PARN: variants seen among roughly 807,000 people sequenced by gnomAD.
The protein encoded by PARN is poly(A)-specific ribonuclease, also known as poly(A)-specific ribonuclease PARN.
PARN carries 71 observed loss-of-function variants against 102.8 expected under a neutral mutation model. The ratio of observed to expected loss-of-function variants is 0.69; its 90% CI spans 0.57 to 0.84. The LOEUF is 0.84. Ranked by LOEUF, PARN falls within the 40% of genes least tolerant of loss-of-function variation. The pLI is 0.00. For synonymous variants in PARN, 261 were observed against 252.9 expected (o/e 1.03, Z -0.30); for missense variants, 782 against 760.9 (o/e 1.03, Z -0.33).
chr16:14,447,608 ACTTGTT>A (rs1961260005), intron 22 of PARN, among the ~76,000 whole-genome samples: 1 of 152,218 alleles, frequency 6.6e-6, no homozygotes, highest in Non-Finnish European at 1.5e-5. Flanking sequence ...CAAAAAGATG[ACTTGTT>A]AAATGTATAA....
At chr16:14,462,344 T>C (rs1262862180) in intron 22 of PARN, among the ~76,000 whole-genome samples, 5 of 150,188 alleles carry the variant, frequency 3.3e-5, no homozygotes, top group South Asian at 2.1e-4. Flanking sequence ...TGAAAGACAA[T>C]AGAAGGGAAC....
Position 14,436,175 on chromosome 16 carries a change from T to G in PARN, c.*542A>C, listed in dbSNP as rs1361033414. ...GGGTGGGCATGAGTGGACATCTTCC[T>G]GAAGGAAGGACAAGCTTGAGAGCGT... On this transcript the variant is annotated 3_prime_UTR_variant, in exon 24 of 24. Transcript: ENST00000437198. The G allele has an allele frequency of 6.5e-6, 1 of 154,276 alleles. No individual in the cohort carries two copies. Among genetic ancestry groups the G allele is most frequent in the Admixed American group, 6.3e-5 (1 of 15,758 alleles). 9.6% of individuals were successfully genotyped at this position (154,276 alleles called of 1,614,324 possible).
rs369378666 is a variant in PARN at position 14,630,164 on chromosome 16, G to A, written c.-39C>T. The A allele has an allele frequency of 1.4e-4, 211 of 1,541,048 alleles. No individual in the cohort carries two copies. Among genetic ancestry groups the A allele is most frequent in the Non-Finnish European group, 1.7e-4 (198 of 1,138,614 alleles). ...CGGAACCTTGGCCCCACCCGGGCCC[G>A]CGCCCGCCTCAGCGGTTCTACTCGC... On this transcript the variant is annotated 5_prime_UTR_variant, in exon 1 of 24. Coordinates refer to ENST00000437198, the MANE Select transcript of PARN (RefSeq NM_002582.4).
chr16:14,441,897 G>A (rs1167556024), intron 23 of PARN, among the ~76,000 whole-genome samples: 1 of 152,136 alleles, frequency 6.6e-6, no homozygotes, highest in Non-Finnish European at 1.5e-5. Context: ...TTTTTATACT[G>A]TAACCCTTAG....
At chr16:14,458,285 T>A (rs781201630) in intron 22 of PARN, among the ~76,000 whole-genome samples, 1 of 152,206 alleles carries the variant, frequency 6.6e-6, no homozygotes, top group Non-Finnish European at 1.5e-5. Flanking sequence ...AATTTACTTT[T>A]GTACTAAAAT....
At chr16:14,443,391 A>C (rs985805235) in intron 23 of PARN, among the ~76,000 whole-genome samples, 1 of 147,750 alleles carries the variant, frequency 6.8e-6, no homozygotes. Context: ...CTCAGGCTGG[A>C]GTGCAATGGC....
At chr16:14,542,628 A>G (rs1422931048) in intron 21 of PARN, among the ~76,000 whole-genome samples, 1 of 152,140 alleles carries the variant, frequency 6.6e-6, no homozygotes, top group Non-Finnish European at 1.5e-5. Flanking sequence ...GAAACTCTCT[A>G]CAGAGAAACA....
chr16:14,473,895 T>C (rs1039503887), intron 22 of PARN, among the ~76,000 whole-genome samples: 1 of 152,188 alleles, frequency 6.6e-6, no homozygotes, highest in Non-Finnish European at 1.5e-5. Context: ...GCTAGTAGTT[T>C]CCAACCATTT....
chr16:14,458,792 C>T (rs895990304), intron 22 of PARN, among the ~76,000 whole-genome samples: 1 of 152,142 alleles, frequency 6.6e-6, no homozygotes, highest in East Asian at 1.9e-4. Context: ...ACTGGTATCA[C>T]CCCAGGCCAG....
intron 22 of PARN, among the ~76,000 whole-genome samples, chr16:14,451,844 A>AAAAAAAAAAAAAAAAAAAAAAAAC (rs1961462721): frequency 1.8e-5 from 1 of 56,330 alleles, no homozygotes; most frequent in Non-Finnish European, 3.5e-5. Flanking sequence ...CCCCGTCTCT[A>AAAAAAAAAAAAAAAAAAAAAAAAC]AAAAAAAAAA....
intron 22 of PARN, among the ~76,000 whole-genome samples, chr16:14,452,594 C>T (rs1961512476): frequency 6.6e-6 from 1 of 152,212 alleles, no homozygotes; most frequent in Non-Finnish European, 1.5e-5. Context: ...GCCTCGGCCT[C>T]CCAAAGTGCT....
In PARN at chr16:14,604,237, T is replaced by C; in HGVS notation, c.703-11A>G. On this transcript the variant is annotated splice_polypyrimidine_tract_variant and intron_variant, in intron 10 of 23. Coordinates refer to ENST00000437198, the MANE Select transcript of PARN (RefSeq NM_002582.4). ...TATATATCGCTCCTTCTAAAAGACA[T>C]AAAGCAGATATACAATTTTCTTTTC... The C allele has an allele frequency of 6.7e-7, 1 of 1,491,604 alleles. No individual in the cohort carries two copies. The highest frequency in any genetic ancestry group is 9.2e-7 in the Non-Finnish European group (1 of 1,089,166). 92.4% of individuals were successfully genotyped at this position (1,491,604 alleles called of 1,614,324 possible). A position where few individuals can be genotyped will look rare whatever the true frequency, so the allele number is the denominator to read the frequency against.
intron 21 of PARN, among the ~76,000 whole-genome samples, chr16:14,504,459 T>C (rs1596531621): frequency 6.6e-6 from 1 of 152,224 alleles, no homozygotes; most frequent in East Asian, 1.9e-4. Context: ...CTCGGGAGGC[T>C]GAGGCAGGAA....
intron 21 of PARN, among the ~76,000 whole-genome samples, chr16:14,536,230 C>T (rs932719701): frequency 2.0e-5 from 3 of 152,070 alleles, no homozygotes; most frequent in Non-Finnish European, 4.4e-5. Flanking sequence ...TTTAAATTTG[C>T]TAAAATCAGA....
intron 18 of PARN, chr16:14,558,335 T>A (rs886792798): frequency 1.3e-5 from 2 of 151,876 alleles, no homozygotes; most frequent in Non-Finnish European, 2.9e-5. Flanking sequence ...CTGTCTCTAC[T>A]AAAAATACAA....
chr16:14,593,463 G>C (rs1230977960), intron 12 of PARN, 85 bp from the exon 13 acceptor site: 3 of 213,836 alleles, frequency 1.4e-5, no homozygotes, highest in Non-Finnish European at 1.8e-5. Context: ...ATTCCAAGAG[G>C]ACTTTGTACT....
intron 12 of PARN, among the ~76,000 whole-genome samples, chr16:14,599,049 T>TC (rs1046969445): frequency 8.3e-5 from 12 of 145,192 alleles, no homozygotes; most frequent in Non-Finnish European, 1.5e-4. Flanking sequence ...TTTTTTTTTT[T>TC]TTTTTTTTTT....
intron 10 of PARN, among the ~76,000 whole-genome samples, chr16:14,605,889 G>A (rs1338554644): frequency 6.6e-6 from 1 of 152,164 alleles, no homozygotes. Flanking sequence ...TTCTGCCATA[G>A]TAAGAATACA....
At chr16:14,615,132 G>A (rs550387202) in intron 6 of PARN, among the ~76,000 whole-genome samples, 1 of 152,248 alleles carries the variant, frequency 6.6e-6, no homozygotes, top group South Asian at 2.1e-4. Context: ...AAAATGGAGA[G>A]AGATGAGGGT....
Sources: allele counts gnomAD v4.1 joint callset (sites outside exome capture counted in the v4.1 genomes callset), GRCh38; gene constraint gnomAD v4.1.1; transcripts MANE v1.5; gene names NCBI Gene and HGNC (gene_info 2026-07-23, HGNC 2026-07-21).